The following METTL17 variants were observed in gnomAD, a reference collection of about 807,000 sequenced individuals.
The protein encoded by METTL17 is methyltransferase like 17, also known as ribosome assembly protein METTL17, mitochondrial.
Under a neutral mutation model 59.4 loss-of-function variants are expected in METTL17, and 49 were observed. The observed-to-expected ratio is 0.82, with a 90% CI of 0.66 to 1.05. METTL17 has a LOEUF of 1.05. Among genes scored for constraint, METTL17 ranks in the 50% least tolerant of loss-of-function variants. The pLI is 0.00. For synonymous variants in METTL17, 208 were observed against 209.2 expected, an observed-to-expected ratio of 0.99 and a Z score of 0.05; for missense variants, 555 against 578.4, an observed-to-expected ratio of 0.96 and a Z score of 0.41.
chr14:20,992,070 A>T (rs1203925118), intron 3 of METTL17, 54 bp from the exon 4 acceptor site: 1 of 1,528,676 alleles, frequency 6.5e-7, no homozygotes, highest in Non-Finnish European at 9.0e-7. Flanking sequence ...CAGATATTGG[A>T]TCTGAGCCCT....
At position 20,994,577 on chromosome 14, in the gene METTL17, T is replaced by C. The variant is rs201140100; in HGVS notation, c.732T>C (p.Gly244=). ...AATCTGGGGAGCCTTATATTCCAGG[T>C]GTCTTTTTCAGACAGTTTCTACCTG... ...GSESGEPYIP[G]VFFRQFLPVS... The change falls in exon 8 of 14, where the codon GGT becomes GGC. Residue 244 remains glycine (G), a synonymous_variant. Coordinates refer to ENST00000339374, the MANE Select transcript of METTL17 (RefSeq NM_022734.3). The C allele has an allele frequency of 6.2e-7, 1 of 1,614,252 alleles. No individual in the cohort carries two copies. The highest frequency in any genetic ancestry group is 2.2e-5 in the East Asian group (1 of 44,890).
In METTL17 at chr14:20,996,942, T is replaced by C; in HGVS notation, c.*52T>C. The stretch of plus-strand genomic sequence containing the variant: ...CTATCGTGCCTGCCAGGGCTGAAGC[T>C]GCCTGGTATCCAGGAGGGGAATGCT... On this transcript the variant is annotated 3_prime_UTR_variant, in exon 14 of 14. Transcript: ENST00000339374. 6.4e-7 allele frequency: 1 copy of C among 1,558,908 alleles called. No individual in the cohort carries two copies.
At chr14:20,994,276 C>T (rs1041528490) in intron 7 of METTL17, among the ~76,000 whole-genome samples, 2 of 150,590 alleles carry the variant, frequency 1.3e-5, no homozygotes, top group South Asian at 4.2e-4. Flanking sequence ...CTAATATTCT[C>T]CCTGCCCTTT....
rs762562455 is a variant in METTL17 at position 20,996,549 on chromosome 14, A to G, written c.1103A>G (p.Lys368Arg). 24 of 1,611,010 alleles carry G rather than the reference A, an allele frequency of 1.5e-5. No homozygotes were observed. Among genetic ancestry groups the G allele is most frequent in the Non-Finnish European group, 2.0e-5 (24 of 1,177,574 alleles). Residue 368 changes from lysine to arginine, a missense_variant, in exon 13 of 14, where the codon AAG (lysine) becomes AGG (arginine). Transcript: ENST00000339374. ...TAGAACAAGAAACCAAAGGAAGAAA[A>G]GTTCTCTATGGTGATCCTTGCTCGG... is the stretch of plus-strand genomic sequence containing the variant. ...FSWNKKPKEEKFSMVILARGS... is the reference protein window; with the variant it reads ...FSWNKKPKEERFSMVILARGS...
At chr14:20,990,818 G>C (rs1329448808) in intron 3 of METTL17, 1 of 593,380 alleles carries the variant, frequency 1.7e-6, no homozygotes, top group Non-Finnish European at 2.9e-6. Flanking sequence ...TTTTTTGTTT[G>C]TTTGTTTGTT....
Position 20,994,545 on chromosome 14 carries a change from G to A in METTL17, c.700G>A (p.Gly234Ser), listed in dbSNP as rs1566433536. 1 of 1,614,030 alleles carries A rather than the reference G, an allele frequency of 6.2e-7. No individual in the cohort carries two copies. Among genetic ancestry groups the A allele is most frequent in the Non-Finnish European group, 8.5e-7 (1 of 1,179,870 alleles). ...GTTGCCTCTTCTTTTCTCCACAGGTGGTTCAGAATCTGGGGAGCCTTATAT... is the reference window on the plus strand; with the variant it reads ...GTTGCCTCTTCTTTTCTCCACAGGTAGTTCAGAATCTGGGGAGCCTTATAT... ...LVLAEKLLKGGSESGEPYIPG... is the reference protein window; with the variant it reads ...LVLAEKLLKGSSESGEPYIPG... Residue 234 changes from glycine to serine, a missense_variant and splice_region_variant, in exon 8 of 14, where the codon GGT becomes AGT. By Grantham distance (56) the Gly-to-Ser change is moderately conservative. Coordinates refer to ENST00000339374, the MANE Select transcript of METTL17 (RefSeq NM_022734.3).
At chr14:20,995,121 C>A in intron 9 of METTL17, 44 bp from the exon 10 acceptor site, 3 of 1,549,078 alleles carry the variant, frequency 1.9e-6, no homozygotes, top group Non-Finnish European at 2.7e-6. Flanking sequence ...TTTATACTTT[C>A]GTGTAATTCA....
In METTL17 at chr14:20,990,315, G is replaced by A. The variant is rs1174458618; in HGVS notation, c.161G>A (p.Gly54Asp). The A allele has an allele frequency of 6.2e-7, 1 of 1,614,220 alleles. No individual in the cohort carries two copies. Among genetic ancestry groups the A allele is most frequent in the Non-Finnish European group, 8.5e-7 (1 of 1,180,042 alleles). The change falls in exon 2 of 14, where the codon GGC becomes GAC. Residue 54 changes from glycine to aspartate, a missense_variant. Transcript: ENST00000339374. ...LQKRPHRQHP[G>D]ILKLPHVRLP... ...AAGAGGCCTCATCGCCAGCACCCTG[G>A]CATCCTAAAGCTGCCGCACGTGCGG... is the stretch of plus-strand genomic sequence containing the variant.
At chr14:20,993,709 GTGA>G (rs1266419837) in intron 6 of METTL17, 1 of 265,582 alleles carries the variant, frequency 3.8e-6, no homozygotes, top group East Asian at 8.6e-5. Flanking sequence ...TCCTGACCTT[GTGA>G]TCCGCCCACC....
At chr14:20,992,455 C>A (rs1594340616) in intron 4 of METTL17, 86 bp from the exon 5 acceptor site, 1 of 1,165,260 alleles carries the variant, frequency 8.6e-7, no homozygotes, top group East Asian at 2.4e-5. Flanking sequence ...AGAGCCCTTT[C>A]CAAGATGTCA....
At position 20,993,107 on chromosome 14, in the gene METTL17, T is replaced by C. The variant is rs1594341202; in HGVS notation, c.529-11T>C. On this transcript the variant is annotated splice_polypyrimidine_tract_variant and intron_variant, in intron 5 of 13. Coordinates refer to ENST00000339374, the MANE Select transcript of METTL17 (RefSeq NM_022734.3). ...AATTACCCTACTGTGGGATGTTGTA[T>C]ATTTCTTCAGATCCGGGCTCGAAAT... 4 of 1,613,600 alleles carry C rather than the reference T, an allele frequency of 2.5e-6. No homozygotes were observed. Among genetic ancestry groups the C allele is most frequent in the Non-Finnish European group, 2.5e-6 (3 of 1,179,502 alleles).
rs1392391991 is a variant in METTL17 at position 20,996,586 on chromosome 14, G to A, written c.1140G>A (p.Glu380=). ...TGATCCTTGCTCGGGGGTCTCCAGA[G>A]GAGGCTCATCGCTGGCCCCGTATCA... ...SMVILARGSP[E]EAHRWPRITQ... Residue 380 remains glutamate (E), a synonymous_variant, in exon 13 of 14, where the codon GAG becomes GAA. Coordinates refer to ENST00000339374, the MANE Select transcript of METTL17 (RefSeq NM_022734.3). 1.9e-6 allele frequency: 3 copies of A among 1,614,256 alleles called. No homozygotes were observed. The highest frequency in any genetic ancestry group is 2.2e-5 in the South Asian group (2 of 91,080).
At chr14:20,994,090 G>C (rs1338990725) in intron 7 of METTL17, 27 bp downstream of exon 7, 7 of 1,574,150 alleles carry the variant, frequency 4.4e-6, no homozygotes, top group Non-Finnish European at 5.2e-6. Flanking sequence ...TTCCAAAGTT[G>C]AGGGAGTTAA....
chr14:20,993,669 T>C, intron 6 of METTL17: 1 of 229,508 alleles, frequency 4.4e-6, no homozygotes, highest in Non-Finnish European at 8.6e-6. Context: ...GAGACGGGGT[T>C]TCACCATATT....
intron 7 of METTL17, among the ~76,000 whole-genome samples, chr14:20,994,299 T>A (rs997704696): frequency 2.7e-5 from 4 of 150,196 alleles, no homozygotes; most frequent in Non-Finnish European, 3.0e-5. Context: ...TTTTTTTTTT[T>A]AATTAGAGGT....
Position 20,992,201 on chromosome 14 carries a change from C to G in METTL17, c.442C>G (p.Leu148Val), listed in dbSNP as rs1880066211. Residue 148 changes from leucine to valine, a missense_variant, in exon 4 of 14, where the codon CTG becomes GTG. Leu to Val is a conservative substitution (Grantham distance 32, BLOSUM62 1). Transcript: ENST00000339374. ...LRKTTYHWQE[L>V]SYTEGLSLVY... Reference sequence around the variant, plus strand: ...TAAAACTACCTACCATTGGCAAGAACTGAGGTAAGGGGGCCCAGAAGAGGT... The same window carrying G: ...TAAAACTACCTACCATTGGCAAGAAGTGAGGTAAGGGGGCCCAGAAGAGGT... 3.1e-6 allele frequency: 5 copies of G among 1,601,230 alleles called. No individual in the cohort carries two copies. Among genetic ancestry groups the G allele is most frequent in the Non-Finnish European group, 4.3e-6 (5 of 1,173,166 alleles).
chr14:20,996,078 C>A, intron 11 of METTL17, 127 bp downstream of exon 11: 1 of 1,277,676 alleles, frequency 7.8e-7, no homozygotes. Context: ...CCTAATGATT[C>A]CCCTGGCTCT....
chr14:20,992,376 TTG>T, intron 4 of METTL17, 163 bp from the exon 5 acceptor site: 3 of 737,440 alleles, frequency 4.1e-6, no homozygotes, highest in South Asian at 1.9e-5. Flanking sequence ...ACACTGAAGT[TTG>T]AAAATTTAGT....
chr14:20,996,708 G>A lies in METTL17; in HGVS notation c.1262G>A (p.Gly421Asp), dbSNP rs1270184085. ...GCTGTGCTCACAGCCCGCCGGCACG[G>A]CAGGTATGGGGGGTGTGACCAAAAT... ...QHAVLTARRH[G>D]RDLYRCARVS... The change falls in exon 13 of 14, where the codon GGC (glycine) becomes GAC (aspartate). Residue 421 changes from glycine (G) to aspartate (D), a missense_variant. Physicochemically the swap from Gly to Asp is moderately conservative, Grantham distance 94. Coordinates refer to ENST00000339374, the MANE Select transcript of METTL17 (RefSeq NM_022734.3). 1 of 1,614,226 alleles carries A rather than the reference G, an allele frequency of 6.2e-7. No individual in the cohort carries two copies. The highest frequency in any genetic ancestry group is 8.5e-7 in the Non-Finnish European group (1 of 1,180,042).
Sources: allele counts gnomAD v4.1 joint callset (sites outside exome capture counted in the v4.1 genomes callset), GRCh38; gene constraint gnomAD v4.1.1; transcripts MANE v1.5; gene names NCBI Gene and HGNC (gene_info 2026-07-23, HGNC 2026-07-21).